The following EML6 variants were observed in gnomAD, a reference collection of about 807,000 sequenced individuals.
The protein encoded by EML6 is EMAP like 6.
In EML6, 154 loss-of-function variants were observed where a neutral mutation model predicts 240.1. That is an observed-to-expected ratio of 0.64 (90% CI 0.56 to 0.73). EML6 has a LOEUF of 0.73. EML6 is among the 30% of genes least tolerant of loss of function. EML6 has a pLI of 0.00. For missense variants in EML6, 2,964 were observed against 2,474.6 expected (o/e 1.20, Z -4.20); for synonymous variants, 1,148 against 899.0 (o/e 1.28, Z -4.95).
At chr2:54,886,059 G>C (rs977926360) in intron 17 of EML6, among the ~76,000 whole-genome samples, 1 of 151,348 alleles carries the variant, frequency 6.6e-6, no homozygotes, top group East Asian at 1.9e-4. Context: ...CCAAAGTAGA[G>C]GGAATAGCAT....
chr2:54,787,994 C>G (rs1334039171), intron 2 of EML6, among the ~76,000 whole-genome samples: 1 of 152,106 alleles, frequency 6.6e-6, no homozygotes, highest in Non-Finnish European at 1.5e-5. Context: ...ACCCAAAAAC[C>G]CAGCACACCC....
rs1381605113 is a variant in EML6 at position 54,968,674 on chromosome 2, CATA to C, written c.5760_5762del (p.His1920_Lys1921delinsGln). ...CATTCACTTTTGCTCACAGGCCAAA[CATA>C]AGCGATACTTCGGTCACTCGGCTCA... is the stretch of plus-strand genomic sequence containing the variant. On this transcript the variant is annotated inframe_deletion, in exon 41 of 42. Coordinates refer to ENST00000356458, the MANE Select transcript of EML6 (RefSeq NM_001039753.4). 1.9e-6 allele frequency: 3 copies of C among 1,548,886 alleles called. No individual in the cohort carries two copies. In the African/African-American group the frequency reaches 4.1e-5, roughly 21 times the overall value.
At chr2:54,793,877 C>T (rs1053406787) in intron 2 of EML6, among the ~76,000 whole-genome samples, 11 of 152,146 alleles carry the variant, frequency 7.2e-5, no homozygotes, top group African/African-American at 2.7e-4. Flanking sequence ...TCTCTTCCTT[C>T]CCCTAGCCCC....
At chr2:54,904,862 G>A (rs1288268170) in intron 24 of EML6, among the ~76,000 whole-genome samples, 2 of 152,208 alleles carry the variant, frequency 1.3e-5, no homozygotes, top group Non-Finnish European at 2.9e-5. Flanking sequence ...AGTATTTCTT[G>A]GAGTAGTGGC....
chr2:54,956,465 T>C (rs188202184), intron 32 of EML6, among the ~76,000 whole-genome samples: 7 of 152,232 alleles, frequency 4.6e-5, no homozygotes, highest in Admixed American at 2.6e-4. Flanking sequence ...CTGAATCTTA[T>C]AAGCATTGCA....
At chr2:54,925,996 G>T (rs925921117) in intron 26 of EML6, among the ~76,000 whole-genome samples, 1 of 152,180 alleles carries the variant, frequency 6.6e-6, no homozygotes, top group African/African-American at 2.4e-5. Context: ...AAATTTTATA[G>T]ACAGGGAAAC....
chr2:54,789,031 T>C (rs1000710930), intron 2 of EML6, among the ~76,000 whole-genome samples: 4 of 152,242 alleles, frequency 2.6e-5, no homozygotes, highest in African/African-American at 9.6e-5. Context: ...CTTTTTGCTT[T>C]TTATTCTTTC....
At chr2:54,749,275 T>C (rs1443628747) in intron 2 of EML6, among the ~76,000 whole-genome samples, 1 of 152,222 alleles carries the variant, frequency 6.6e-6, no homozygotes, top group Non-Finnish European at 1.5e-5. Context: ...CTGTTTGGTC[T>C]CTTTCATGGT....
chr2:54,946,972 C>T (rs1367677980), intron 28 of EML6, among the ~76,000 whole-genome samples: 1 of 151,436 alleles, frequency 6.6e-6, no homozygotes, highest in Non-Finnish European at 1.5e-5. Flanking sequence ...TATACAATCT[C>T]CTGTATATAT....
At chr2:54,936,393 G>A (rs1209760702) in intron 28 of EML6, among the ~76,000 whole-genome samples, 1 of 152,162 alleles carries the variant, frequency 6.6e-6, no homozygotes, top group African/African-American at 2.4e-5. Context: ...TTTGACATAG[G>A]TGGATGTCCT....
At chr2:54,797,848 A>AT (rs543515220) in intron 2 of EML6, among the ~76,000 whole-genome samples, 23 of 152,162 alleles carry the variant, frequency 1.5e-4, no homozygotes, top group Middle Eastern at 6.8e-3. Context: ...TCATTGATAG[A>AT]TTTTTTTTAA....
chr2:54,816,328 A>G (rs1050481225), intron 3 of EML6, among the ~76,000 whole-genome samples: 1 of 152,234 alleles, frequency 6.6e-6, no homozygotes, highest in African/African-American at 2.4e-5. Flanking sequence ...TTGTGAAATT[A>G]TAGAAAACTA....
intron 2 of EML6, among the ~76,000 whole-genome samples, chr2:54,741,266 C>T (rs773098186): frequency 6.6e-6 from 1 of 152,116 alleles, no homozygotes; most frequent in Non-Finnish European, 1.5e-5. Context: ...GGCCTCCTGG[C>T]TTTGATGGTT....
chr2:54,746,716 T>C (rs561461604), intron 2 of EML6, among the ~76,000 whole-genome samples: 1 of 152,368 alleles, frequency 6.6e-6, no homozygotes, highest in Admixed American at 6.5e-5. Flanking sequence ...TGTTTATAGG[T>C]ATTTAATTCC....
intron 2 of EML6, among the ~76,000 whole-genome samples, chr2:54,752,262 C>G (rs191055452): frequency 7.9e-5 from 12 of 152,270 alleles, no homozygotes; most frequent in Middle Eastern, 3.4e-3. Context: ...AAAAATTATT[C>G]ATAGTTGAAC....
At chr2:54,936,844 A>G (rs1573178986) in intron 28 of EML6, among the ~76,000 whole-genome samples, 1 of 152,192 alleles carries the variant, frequency 6.6e-6, no homozygotes, top group Non-Finnish European at 1.5e-5. Context: ...GAGAAGCTGC[A>G]TAACTTATGG....
chr2:54,921,182 G>T (rs1453493025), intron 26 of EML6, among the ~76,000 whole-genome samples: 1 of 151,990 alleles, frequency 6.6e-6, no homozygotes, highest in African/African-American at 2.4e-5. Flanking sequence ...CTCTATTTAT[G>T]TACAACATGA....
intron 2 of EML6, among the ~76,000 whole-genome samples, chr2:54,761,610 A>C (rs966310848): frequency 6.6e-6 from 1 of 152,206 alleles, no homozygotes; most frequent in Admixed American, 6.5e-5. Flanking sequence ...AACATAAATC[A>C]TAAACTCTGT....
chr2:54,757,023 A>G (rs1667763232), intron 2 of EML6, among the ~76,000 whole-genome samples: 1 of 151,482 alleles, frequency 6.6e-6, no homozygotes. Context: ...TTGAATTTTT[A>G]TTTTTATATT....
Sources: allele counts gnomAD v4.1 joint callset (sites outside exome capture counted in the v4.1 genomes callset), GRCh38; gene constraint gnomAD v4.1.1; transcripts MANE v1.5; gene names NCBI Gene and HGNC (gene_info 2026-07-23, HGNC 2026-07-21).